CHLSN: variants seen among roughly 807,000 people sequenced by gnomAD.
The protein encoded by CHLSN is cholesin, also known as protein cholesin.
chr7:1,092,692 C>T, the CHLSN span: 37 of 1,613,524 alleles, frequency 2.3e-5, no homozygotes, highest in East Asian at 4.9e-4. Context: ...CCTAAACCCC[C>T]TCATCTACAG....
At chr7:1,118,203 T>C in the CHLSN span, among the ~76,000 whole-genome samples, 1 of 152,226 alleles carries the variant, frequency 6.6e-6, no homozygotes, top group African/African-American at 2.4e-5. Context: ...TATATGGTCA[T>C]ATTAAAGATG....
the CHLSN span, among the ~76,000 whole-genome samples, chr7:1,076,472 C>T: frequency 6.6e-6 from 1 of 152,234 alleles, no homozygotes; most frequent in African/African-American, 2.4e-5. Context: ...CCGGTGGTTT[C>T]CCATGGATGT....
At chr7:1,076,141 T>C in the CHLSN span, 1 of 152,292 alleles carries the variant, frequency 6.6e-6, no homozygotes, top group Non-Finnish European at 1.5e-5. Flanking sequence ...TGACAAGCAA[T>C]TGAGGGAGGC....
chr7:996,617 G>A, the CHLSN span, among the ~76,000 whole-genome samples: 23 of 152,262 alleles, frequency 1.5e-4, no homozygotes, highest in African/African-American at 4.3e-4. Flanking sequence ...AGTGGGGCAC[G>A]GACCTCCTCG....
At chr7:1,108,497 G>A in the CHLSN span, among the ~76,000 whole-genome samples, 14 of 152,216 alleles carry the variant, frequency 9.2e-5, no homozygotes, top group African/African-American at 3.1e-4. Context: ...CCAAACGCAC[G>A]GGTGTGCTGA....
chr7:1,122,048 C>T, the CHLSN span, among the ~76,000 whole-genome samples: 1 of 152,240 alleles, frequency 6.6e-6, no homozygotes, highest in African/African-American at 2.4e-5. Flanking sequence ...GCTCCGCCGG[C>T]TCGCAGCCAG....
At chr7:993,450 G>A in the CHLSN span, among the ~76,000 whole-genome samples, 95 of 152,214 alleles carry the variant, frequency 6.2e-4, 4 homozygotes, top group South Asian at 0.019. Context: ...GGACAGCGCC[G>A]GCCCGGGCTG....
At chr7:1,075,322 T>G in the CHLSN span, among the ~76,000 whole-genome samples, 2 of 151,998 alleles carry the variant, frequency 1.3e-5, no homozygotes. Context: ...ACCAGCCTCT[T>G]CAACATGGTA....
the CHLSN span, among the ~76,000 whole-genome samples, chr7:1,069,999 C>G: frequency 8.0e-4 from 88 of 109,726 alleles, no homozygotes; most frequent in African/African-American, 1.0e-3. Flanking sequence ...CTCTGCCCCG[C>G]CGCCCCATCT....
the CHLSN span, among the ~76,000 whole-genome samples, chr7:1,068,413 G>A: frequency 2.0e-5 from 3 of 152,252 alleles, no homozygotes; most frequent in South Asian, 2.1e-4. Context: ...GACTGTCCCC[G>A]GGACATCAGT....
At chr7:1,004,604 C>T in the CHLSN span, among the ~76,000 whole-genome samples, 2 of 152,268 alleles carry the variant, frequency 1.3e-5, no homozygotes, top group African/African-American at 2.4e-5. Flanking sequence ...CTCTTGGCCT[C>T]GTCACTGGGG....
At chr7:1,074,604 G>A in the CHLSN span, 1 of 152,318 alleles carries the variant, frequency 6.6e-6, no homozygotes, top group South Asian at 2.1e-4. Context: ...TGGGAGACTT[G>A]GAGACACCCC....
the CHLSN span, among the ~76,000 whole-genome samples, chr7:1,053,512 C>T: frequency 1.3e-5 from 2 of 152,300 alleles, no homozygotes; most frequent in Middle Eastern, 3.4e-3. Flanking sequence ...CTGTGGGTGC[C>T]CCCTGCAGCT....
At chr7:978,580 T>C in the CHLSN span, among the ~76,000 whole-genome samples, 1 of 152,108 alleles carries the variant, frequency 6.6e-6, no homozygotes, top group South Asian at 2.1e-4. Flanking sequence ...GCAATCAAGG[T>C]ATTGCAGGTA....
the CHLSN span, among the ~76,000 whole-genome samples, chr7:998,254 T>C: frequency 6.6e-6 from 1 of 152,168 alleles, no homozygotes; most frequent in African/African-American, 2.4e-5. Flanking sequence ...GGGGCACCTC[T>C]GCACAGGCTC....
At chr7:1,025,466 A>C in the CHLSN span, 1 of 152,374 alleles carries the variant, frequency 6.6e-6, no homozygotes, top group Non-Finnish European at 1.5e-5. Flanking sequence ...GAGGTGCACA[A>C]GTCAGGTCAG....
At chr7:1,072,833 G>A in the CHLSN span, among the ~76,000 whole-genome samples, 4 of 152,106 alleles carry the variant, frequency 2.6e-5, no homozygotes, top group South Asian at 4.2e-4. Context: ...ACAGGCGTGC[G>A]CCACCACGCC....
chr7:1,079,951 C>A, the CHLSN span, among the ~76,000 whole-genome samples: 2 of 152,256 alleles, frequency 1.3e-5, no homozygotes, highest in African/African-American at 4.8e-5. Context: ...CGAACCTGAC[C>A]TTGGCAGCCC....
chr7:1,078,765 C>T, the CHLSN span, among the ~76,000 whole-genome samples: 4 of 152,352 alleles, frequency 2.6e-5, no homozygotes, highest in South Asian at 2.1e-4. Flanking sequence ...ACTGGGACCC[C>T]GGGACAGTGC....
Sources: allele counts gnomAD v4.1 joint callset (sites outside exome capture counted in the v4.1 genomes callset), GRCh38; gene constraint gnomAD v4.1.1; transcripts MANE v1.5; gene names NCBI Gene and HGNC (gene_info 2026-07-23, HGNC 2026-07-21).